Variants in CASP9 observed in about 807,000 individuals in gnomAD.
The protein encoded by CASP9 is caspase 9, also known as caspase-9.
CASP9 carries 29 observed loss-of-function variants against 43.5 expected under a neutral mutation model. That is an observed-to-expected ratio of 0.67 (90% CI 0.50 to 0.91). The LOEUF is 0.91. Among genes scored for constraint, CASP9 ranks in the 40% least tolerant of loss-of-function variants. CASP9 has a pLI of 0.00. For synonymous variants in CASP9, 206 were observed against 211.9 expected (o/e 0.97, Z 0.24); for missense variants, 575 against 537.4 (o/e 1.07, Z -0.69).
intron 1 of CASP9, among the ~76,000 whole-genome samples, chr1:15,521,313 G>A (rs977481258): frequency 5.3e-5 from 8 of 150,404 alleles, no homozygotes; most frequent in African/African-American, 9.8e-5. Context: ...CCTTGGAGGC[G>A]TCAGGGAGCA....
At chr1:15,510,678 G>A (rs1557547409) in intron 2 of CASP9, among the ~76,000 whole-genome samples, 1 of 152,050 alleles carries the variant, frequency 6.6e-6, no homozygotes, top group Non-Finnish European at 1.5e-5. Context: ...CCAGGCAGAG[G>A]CCCCGGCATG....
intron 6 of CASP9, among the ~76,000 whole-genome samples, chr1:15,501,011 G>C (rs1709308761): frequency 6.6e-6 from 1 of 152,200 alleles, no homozygotes; most frequent in South Asian, 2.1e-4. Context: ...GCATGGCTTG[G>C]TTCTTGGAGA....
intron 6 of CASP9, among the ~76,000 whole-genome samples, chr1:15,500,782 T>C (rs1285543741): frequency 6.6e-6 from 1 of 151,210 alleles, no homozygotes. Context: ...CCTGGCAGCC[T>C]GTGGGGGCGG....
At position 15,518,315 on chromosome 1, in the gene CASP9, A is replaced by G. The variant is rs748758007; in HGVS notation, c.213T>C (p.Pro71=). 6 of 1,614,216 alleles carry G rather than the reference A, an allele frequency of 3.7e-6. No homozygotes were observed. The South Asian group carries it at 4.4e-5, about 12-fold the overall frequency. Reference sequence around the variant, plus strand: ...TGTCCTCTAAGCAGGAGATGAACAAAGGAAGAGCCTGACTCCCTCGAGTCT... The same window carrying G: ...TGTCCTCTAAGCAGGAGATGAACAAGGGAAGAGCCTGACTCCCTCGAGTCT... ...DLETRGSQAL[P]LFISCLEDTG... Residue 71 remains proline, a synonymous_variant, in exon 2 of 9, where the codon CCT becomes CCC. Coordinates refer to ENST00000333868, the MANE Select transcript of CASP9 (RefSeq NM_001229.5).
At chr1:15,520,446 A>G (rs544723417) in intron 1 of CASP9, among the ~76,000 whole-genome samples, 154 of 152,278 alleles carry the variant, frequency 1.0e-3, no homozygotes, top group Admixed American at 4.0e-3. Flanking sequence ...ATTATTAATC[A>G]TTAGCTTTTA....
chr1:15,524,065 G>A lies in CASP9; in HGVS notation c.132+4C>T, dbSNP rs774459513. 4 of 1,495,878 alleles carry A rather than the reference G, an allele frequency of 2.7e-6. No homozygotes were observed. In the South Asian group the frequency reaches 3.7e-5, roughly 14 times the overall value. The allele number at this position is 1,495,878 out of a possible 1,614,324, so 92.7% of individuals were successfully genotyped here. A position where few individuals can be genotyped will look rare whatever the true frequency, so the allele number is the denominator to read the frequency against. Reference sequence around the variant, plus strand: ...AGCGCGGGGACAGGGGGCCGGGGGCGCACCTGGATGTCCTCGATCATATGG... The same window carrying A: ...AGCGCGGGGACAGGGGGCCGGGGGCACACCTGGATGTCCTCGATCATATGG... On this transcript the variant is annotated splice_donor_region_variant and intron_variant, in intron 1 of 8. Coordinates refer to ENST00000333868, the MANE Select transcript of CASP9 (RefSeq NM_001229.5).
intron 2 of CASP9, among the ~76,000 whole-genome samples, chr1:15,509,391 G>A (rs1709648459): frequency 6.7e-6 from 1 of 148,324 alleles, no homozygotes; most frequent in Non-Finnish European, 1.5e-5. Flanking sequence ...TTGGGAGGCA[G>A]ATCACCTGAG....
At chr1:15,520,596 G>A (rs1469313535) in intron 1 of CASP9, among the ~76,000 whole-genome samples, 1 of 152,214 alleles carries the variant, frequency 6.6e-6, no homozygotes, top group Non-Finnish European at 1.5e-5. Flanking sequence ...GGCCGCTTGA[G>A]GGCTCCTTGG....
rs148807608 is a variant in CASP9 at position 15,506,020 on chromosome 1, G to A, written c.690C>T (p.Cys230=). 1.5e-5 allele frequency: 25 copies of A among 1,614,002 alleles called. No homozygotes were observed. Among genetic ancestry groups the A allele is most frequent in the Middle Eastern group, 1.6e-4 (1 of 6,084 alleles). ...AGCCGTGAGAGAGAATGACCACCAC[G>A]CAGCAGTCCAGAGCACCGTGGTCCT... ...AQQDHGALDC[C]VVVILSHGCQ... The change falls in exon 5 of 9, where the codon TGC becomes TGT. Residue 230 remains cysteine, a synonymous_variant. Transcript: ENST00000333868.
chr1:15,517,977 GCCATC>G, intron 2 of CASP9, 128 bp downstream of exon 2: 3 of 1,038,116 alleles, frequency 2.9e-6, no homozygotes, highest in Non-Finnish European at 4.3e-6. Flanking sequence ...CCAGAATTTT[GCCATC>G]CCTATGAACA....
chr1:15,493,195 C>T, intron 8 of CASP9, 160 bp from the exon 9 acceptor site: 1 of 1,427,202 alleles, frequency 7.0e-7, no homozygotes, highest in Non-Finnish European at 9.1e-7. Context: ...CGCACCTCAA[C>T]TTTACCTTTA....
upstream of CASP9, chr1:15,524,443 C>A (rs1390951714): frequency 1.7e-6 from 2 of 1,189,054 alleles, no homozygotes; most frequent in Non-Finnish European, 2.1e-6. Flanking sequence ...CCCCCAGGGC[C>A]AAGCCTCCCA....
intron 6 of CASP9, among the ~76,000 whole-genome samples, chr1:15,502,649 A>G (rs1483591564): frequency 1.3e-5 from 2 of 152,140 alleles, no homozygotes; most frequent in Admixed American, 6.5e-5. Flanking sequence ...GAGTCCTAAG[A>G]GTGACAGCAG....
chr1:15,524,213 A>G lies in CASP9; in HGVS notation c.-13T>C. 2 of 1,540,038 alleles carry G rather than the reference A, an allele frequency of 1.3e-6. No individual in the cohort carries two copies. The highest frequency in any genetic ancestry group is 1.4e-5 in the African/African-American group (1 of 72,936). On this transcript the variant is annotated 5_prime_UTR_variant, in exon 1 of 9. Transcript: ENST00000333868. ...CCGCTTCGTCCATGGCGAGTAGCCA[A>G]CTAAGACTCCAGGCCGCCTCAGTCC... is the stretch of plus-strand genomic sequence containing the variant.
intron 6 of CASP9, among the ~76,000 whole-genome samples, chr1:15,501,355 T>C (rs1179981697): frequency 6.6e-6 from 1 of 152,148 alleles, no homozygotes; most frequent in Non-Finnish European, 1.5e-5. Context: ...TGTTGGAGGG[T>C]TTTAAAATTA....
chr1:15,498,728 A>G (rs1196195867), intron 6 of CASP9, among the ~76,000 whole-genome samples: 3 of 142,642 alleles, frequency 2.1e-5, no homozygotes, highest in African/African-American at 7.7e-5. Context: ...GATTCCATGG[A>G]TCTTGAAAGT....
At chr1:15,498,164 G>A (rs954403936) in intron 6 of CASP9, among the ~76,000 whole-genome samples, 4 of 152,084 alleles carry the variant, frequency 2.6e-5, no homozygotes, top group Non-Finnish European at 5.9e-5. Flanking sequence ...GCTCACTGCA[G>A]CCTTGACCTG....
At chr1:15,516,748 C>CACACA (rs1709965719) in intron 2 of CASP9, among the ~76,000 whole-genome samples, 1 of 152,226 alleles carries the variant, frequency 6.6e-6, no homozygotes, top group Non-Finnish European at 1.5e-5. Flanking sequence ...CAGAACTAGA[C>CACACA]GCACATGCAA....
rs1385941147 is a variant in CASP9 at position 15,492,939 on chromosome 1, G to A, written c.*4C>T. The A allele has an allele frequency of 1.9e-6, 3 of 1,613,366 alleles. No individual in the cohort carries two copies. Among genetic ancestry groups the A allele is most frequent in the African/African-American group, 2.7e-5 (2 of 74,906 alleles). ...AAGATAAGGCAGGGTGAGGGGCCCT[G>A]GCCTTATGATGTTTTAAAGAAAAGT... On this transcript the variant is annotated 3_prime_UTR_variant, in exon 9 of 9. Coordinates refer to ENST00000333868, the MANE Select transcript of CASP9 (RefSeq NM_001229.5).
Sources: allele counts gnomAD v4.1 joint callset (sites outside exome capture counted in the v4.1 genomes callset), GRCh38; gene constraint gnomAD v4.1.1; transcripts MANE v1.5; gene names NCBI Gene and HGNC (gene_info 2026-07-23, HGNC 2026-07-21).